The following PDE4B variants were observed in gnomAD, a reference collection of about 807,000 sequenced individuals.
PDE4B encodes phosphodiesterase 4B, also known as 3',5'-cyclic-AMP phosphodiesterase 4B.
In PDE4B, 20 loss-of-function variants were observed where a neutral mutation model predicts 82.2. That is an observed-to-expected ratio of 0.24 (90% confidence interval 0.17 to 0.35). PDE4B has a LOEUF of 0.35. Ranked by LOEUF, PDE4B falls within the 10% of genes least tolerant of loss-of-function variation. PDE4B has a pLI of 1.00. For missense variants in PDE4B, 655 were observed against 907.2 expected (o/e 0.72, Z 3.57); for synonymous variants, 320 against 318.9 (o/e 1.00, Z -0.04).
At chr1:66,068,667 A>G (rs1262716492) in intron 3 of PDE4B, among the ~76,000 whole-genome samples, 2 of 152,018 alleles carry the variant, frequency 1.3e-5, no homozygotes, top group African/African-American at 4.8e-5. Flanking sequence ...TCTCATTTAA[A>G]TATAATCGCT....
intron 3 of PDE4B, among the ~76,000 whole-genome samples, chr1:65,961,555 CCCT>C (rs752908596): frequency 1.3e-5 from 2 of 152,094 alleles, no homozygotes; most frequent in African/African-American, 2.4e-5. Flanking sequence ...GTCCTTACAA[CCCT>C]CCCAAATAAA....
At chr1:66,108,869 A>T (rs1486013104) in intron 3 of PDE4B, among the ~76,000 whole-genome samples, 27 of 151,988 alleles carry the variant, frequency 1.8e-4, no homozygotes, top group Non-Finnish European at 1.9e-4. Flanking sequence ...AAATGATTTG[A>T]TATCATTTTC....
intron 3 of PDE4B, among the ~76,000 whole-genome samples, chr1:65,956,273 T>C (rs756596075): frequency 2.0e-5 from 3 of 152,128 alleles, no homozygotes; most frequent in Non-Finnish European, 4.4e-5. Flanking sequence ...AAGAGCAGTA[T>C]TTTTAGTTCC....
At chr1:65,846,633 A>T (rs1315659871) in intron 1 of PDE4B, among the ~76,000 whole-genome samples, 1 of 152,210 alleles carries the variant, frequency 6.6e-6, no homozygotes, top group Admixed American at 6.5e-5. Flanking sequence ...GCAAATTCTT[A>T]CAAGTTTGGA....
intron 3 of PDE4B, among the ~76,000 whole-genome samples, chr1:66,209,731 G>A (rs1649870722): frequency 6.6e-6 from 1 of 152,110 alleles, no homozygotes; most frequent in African/African-American, 2.4e-5. Context: ...CATCACTGTA[G>A]ACTAGTTTTT....
chr1:65,986,849 G>T (rs972646646), intron 3 of PDE4B, among the ~76,000 whole-genome samples: 1 of 152,170 alleles, frequency 6.6e-6, no homozygotes, highest in Admixed American at 6.6e-5. Context: ...ATCAGAATAG[G>T]GGAGGTCGGT....
intron 1 of PDE4B, among the ~76,000 whole-genome samples, chr1:65,900,307 C>T (rs548079997): frequency 2.0e-5 from 3 of 151,926 alleles, no homozygotes; most frequent in Non-Finnish European, 4.4e-5. Context: ...TATTCTGTTC[C>T]ATTGGTATAT....
intron 3 of PDE4B, among the ~76,000 whole-genome samples, chr1:65,985,904 C>A (rs1650931847): frequency 6.6e-6 from 1 of 152,128 alleles, no homozygotes; most frequent in Non-Finnish European, 1.5e-5. Context: ...TTGCAACACA[C>A]TGGTATTCTG....
At chr1:66,158,329 C>G (rs1646542197) in intron 3 of PDE4B, among the ~76,000 whole-genome samples, 1 of 152,052 alleles carries the variant, frequency 6.6e-6, no homozygotes, top group South Asian at 2.1e-4. Context: ...GGGTTAATAT[C>G]CAGCAAAAGA....
chr1:65,964,990 C>T (rs1219653162), intron 3 of PDE4B, among the ~76,000 whole-genome samples: 2 of 152,184 alleles, frequency 1.3e-5, no homozygotes, highest in South Asian at 2.1e-4. Flanking sequence ...TGTTGAAGCA[C>T]GCTCGGCTGT....
At chr1:66,047,423 C>A (rs1654776944) in intron 3 of PDE4B, among the ~76,000 whole-genome samples, 1 of 151,824 alleles carries the variant, frequency 6.6e-6, no homozygotes, top group African/African-American at 2.4e-5. Context: ...GAGAAGGAAA[C>A]ATAATTTTCC....
intron 7 of PDE4B, among the ~76,000 whole-genome samples, chr1:66,306,737 T>C (rs1658305739): frequency 6.6e-6 from 1 of 152,010 alleles, no homozygotes; most frequent in Non-Finnish European, 1.5e-5. Flanking sequence ...CCAGTGGGAG[T>C]AAGTAACTTG....
At chr1:66,033,086 T>G (rs528746974) in intron 3 of PDE4B, among the ~76,000 whole-genome samples, 33 of 152,270 alleles carry the variant, frequency 2.2e-4, no homozygotes, top group African/African-American at 6.7e-4. Context: ...GTAAAGTGAG[T>G]GTGATGGTGG....
At chr1:66,353,482 C>T (rs1661995607) in intron 8 of PDE4B, among the ~76,000 whole-genome samples, 1 of 152,170 alleles carries the variant, frequency 6.6e-6, no homozygotes, top group Non-Finnish European at 1.5e-5. Context: ...AAGGGGAATG[C>T]CTCACAGGAA....
intron 3 of PDE4B, among the ~76,000 whole-genome samples, chr1:65,937,712 A>T (rs1455063385): frequency 2.0e-5 from 3 of 152,196 alleles, no homozygotes; most frequent in Admixed American, 2.0e-4. Flanking sequence ...TATGTGAGGT[A>T]ATGGACAATG....
chr1:65,833,785 T>C (rs896186243), intron 1 of PDE4B, among the ~76,000 whole-genome samples: 1 of 152,220 alleles, frequency 6.6e-6, no homozygotes, highest in Admixed American at 6.5e-5. Context: ...TTATTAAATT[T>C]TCAGAAATTT....
chr1:65,998,278 C>T (rs995925193), intron 3 of PDE4B, among the ~76,000 whole-genome samples: 6 of 152,250 alleles, frequency 3.9e-5, no homozygotes, highest in Non-Finnish European at 8.8e-5. Flanking sequence ...AGTGAAAATA[C>T]ACATAGTTCA....
At chr1:66,243,064 C>T (rs1339754644) in intron 3 of PDE4B, among the ~76,000 whole-genome samples, 2 of 152,210 alleles carry the variant, frequency 1.3e-5, no homozygotes, top group African/African-American at 4.8e-5. Context: ...AAGATGTGAC[C>T]ATCTCAAACA....
At chr1:66,160,987 T>C (rs963305525) in intron 3 of PDE4B, among the ~76,000 whole-genome samples, 27 of 152,166 alleles carry the variant, frequency 1.8e-4, no homozygotes, top group Admixed American at 9.8e-4. Flanking sequence ...CTAAAAGACA[T>C]GTGTGCATTG....
Sources: allele counts gnomAD v4.1 joint callset (sites outside exome capture counted in the v4.1 genomes callset), GRCh38; gene constraint gnomAD v4.1.1; transcripts MANE v1.5; gene names NCBI Gene and HGNC (gene_info 2026-07-23, HGNC 2026-07-21).